LUZP2: variants seen among roughly 807,000 people sequenced by gnomAD.
LUZP2 encodes the protein leucine zipper protein 2.
LUZP2 carries 52 observed loss-of-function variants against 51.6 expected under a neutral mutation model. The observed-to-expected ratio is 1.01, with a 90% confidence interval of 0.81 to 1.27. The LOEUF (loss-of-function observed/expected upper bound fraction) is 1.27, where lower values mean the gene tolerates loss of function less well. LUZP2 is among the 50% of genes most tolerant of loss of function. The pLI is 0.00. For missense variants in LUZP2, 436 were observed against 395.4 expected (o/e 1.10, Z -0.87); for synonymous variants, 154 against 137.3 (o/e 1.12, Z -0.85).
chr11:24,760,114 T>C (rs972175086), intron 4 of LUZP2, among the ~76,000 whole-genome samples: 3 of 152,148 alleles, frequency 2.0e-5, no homozygotes, highest in Non-Finnish European at 2.9e-5. Context: ...TGATCGGCAA[T>C]TGGCAAAGAT....
intron 1 of LUZP2, among the ~76,000 whole-genome samples, chr11:24,555,280 A>T (rs1022809468): frequency 6.6e-6 from 1 of 152,172 alleles, no homozygotes; most frequent in African/African-American, 2.4e-5. Flanking sequence ...AATAGTAAAG[A>T]TACATAACTC....
In LUZP2 at chr11:24,529,498, A is replaced by T. The variant is rs766080805; in HGVS notation, c.62+32193A>T. 2.0e-5 allele frequency among the ~76,000 whole-genome samples: 3 copies of T among 150,828 alleles called. No individual in the cohort carries two copies. The East Asian group carries it at 5.8e-4, about 29-fold the overall frequency. On this transcript the variant is annotated intron_variant, in intron 1 of 11. Transcript: ENST00000336930. Reference sequence around the variant, plus strand: ...TGAGAAGGAATCACATTAGAGTATAAATACAAATATTTAGCATTCATCATT... The same window carrying T: ...TGAGAAGGAATCACATTAGAGTATATATACAAATATTTAGCATTCATCATT...
intron 5 of LUZP2, among the ~76,000 whole-genome samples, chr11:24,849,217 G>T (rs546152710): frequency 3.4e-4 from 51 of 152,126 alleles, no homozygotes; most frequent in African/African-American, 1.1e-3. Context: ...TACCATGGTG[G>T]TTTGCTGCAC....
intron 7 of LUZP2, among the ~76,000 whole-genome samples, chr11:24,915,839 T>C (rs1853773552): frequency 6.6e-6 from 1 of 151,996 alleles, no homozygotes; most frequent in South Asian, 2.1e-4. Context: ...ACCAACCTAA[T>C]AGCACAAAAG....
chr11:24,604,055 A>G (rs1853830901), intron 1 of LUZP2, among the ~76,000 whole-genome samples: 1 of 151,828 alleles, frequency 6.6e-6, no homozygotes, highest in African/African-American at 2.4e-5. Context: ...TGTAATTTAC[A>G]ATGCAATAAT....
intron 1 of LUZP2, among the ~76,000 whole-genome samples, chr11:24,686,052 A>G (rs1856888639): frequency 6.6e-6 from 1 of 152,140 alleles, no homozygotes; most frequent in African/African-American, 2.4e-5. Flanking sequence ...AAATCATTTC[A>G]CTCTTCTTTC....
At chr11:25,014,040 A>G (rs1857063301) in intron 9 of LUZP2, among the ~76,000 whole-genome samples, 1 of 151,942 alleles carries the variant, frequency 6.6e-6, no homozygotes, top group African/African-American at 2.4e-5. Context: ...GAGAATGATG[A>G]TTTCCAGCTT....
At chr11:25,029,899 C>T (rs1194755805) in intron 9 of LUZP2, among the ~76,000 whole-genome samples, 1 of 150,468 alleles carries the variant, frequency 6.6e-6, no homozygotes, top group Non-Finnish European at 1.5e-5. Flanking sequence ...AAACAATTGC[C>T]ATGTCAATAG....
At chr11:24,542,900 A>C (rs1851418547) in intron 1 of LUZP2, among the ~76,000 whole-genome samples, 2 of 151,552 alleles carry the variant, frequency 1.3e-5, no homozygotes, top group African/African-American at 4.9e-5. Context: ...AATAATGAAC[A>C]AAAAGAACAG....
chr11:24,614,810 CATT>C (rs1854235252), intron 1 of LUZP2, among the ~76,000 whole-genome samples: 1 of 151,986 alleles, frequency 6.6e-6, no homozygotes, highest in Non-Finnish European at 1.5e-5. Flanking sequence ...CCTTTGTACA[CATT>C]ATTATTTAAA....
chr11:24,695,213 A>C (rs975285424), intron 1 of LUZP2, among the ~76,000 whole-genome samples: 1 of 152,140 alleles, frequency 6.6e-6, no homozygotes, highest in Non-Finnish European at 1.5e-5. Context: ...AATATTATGC[A>C]AGATTTAAAT....
At chr11:24,959,254 A>G (rs939997874) in intron 7 of LUZP2, among the ~76,000 whole-genome samples, 8 of 152,046 alleles carry the variant, frequency 5.3e-5, no homozygotes, top group African/African-American at 1.9e-4. Context: ...TTTTAGTTCC[A>G]TATGAACTTT....
intron 10 of LUZP2, among the ~76,000 whole-genome samples, chr11:25,074,551 A>G (rs116657304): frequency 0.012 from 1,828 of 152,282 alleles, 43 homozygotes; most frequent in African/African-American, 0.042. Flanking sequence ...TTAATGAAAT[A>G]TATTGCATAG....
chr11:24,694,965 T>C (rs748016355), intron 1 of LUZP2, among the ~76,000 whole-genome samples: 9 of 151,382 alleles, frequency 5.9e-5, no homozygotes, highest in Non-Finnish European at 1.3e-4. Context: ...TTAGGACAAA[T>C]ACCTAATGCA....
intron 1 of LUZP2, among the ~76,000 whole-genome samples, chr11:24,541,749 T>A (rs1590158727): frequency 6.6e-6 from 1 of 152,244 alleles, no homozygotes; most frequent in Middle Eastern, 3.4e-3. Flanking sequence ...TAATCTCAGA[T>A]GTCAAGTGAT....
rs186600323 is a variant in LUZP2 at position 24,588,322 on chromosome 11, C to T, written c.62+91017C>T. On this transcript the variant is annotated intron_variant, in intron 1 of 11. Transcript: ENST00000336930. ...CTGCTTGTCAGTGAATTATAAATCT[C>T]GCCATGGGCAATGACAGTTTCTCTG... Among the ~76,000 whole-genome samples, 7 of 152,170 alleles carry T rather than the reference C, an allele frequency of 4.6e-5. No homozygotes were observed. In the East Asian group the frequency reaches 5.8e-4, roughly 13 times the overall value.
chr11:24,665,498 C>A (rs545876955), intron 1 of LUZP2, among the ~76,000 whole-genome samples: 1 of 152,058 alleles, frequency 6.6e-6, no homozygotes, highest in Non-Finnish European at 1.5e-5. Flanking sequence ...GGGTCAGGGG[C>A]AGAATAATAT....
chr11:24,983,362 T>C (rs935848291), intron 9 of LUZP2, 69 bp downstream of exon 9: 1 of 1,446,706 alleles, frequency 6.9e-7, no homozygotes, highest in African/African-American at 1.4e-5. Context: ...GCCCAGTATA[T>C]ATAATCACCA....
At position 24,706,534 on chromosome 11, in the gene LUZP2, G is replaced by T. The variant is rs140457775; in HGVS notation, c.63-22635G>T. 8.9e-4 allele frequency among the ~76,000 whole-genome samples: 136 copies of T among 152,148 alleles called. 1 individual carries two copies. Among genetic ancestry groups the T allele is most frequent in the Non-Finnish European group, 1.5e-3 (103 of 68,006 alleles). On this transcript the variant is annotated intron_variant, in intron 1 of 11. Transcript: ENST00000336930. ...CTTGTTTCCATTCTCTTCCTGTGCG[G>T]CCTTCTCTCAGTTGTCTAATATCTC...
Sources: allele counts gnomAD v4.1 joint callset (sites outside exome capture counted in the v4.1 genomes callset), GRCh38; gene constraint gnomAD v4.1.1; transcripts MANE v1.5; gene names NCBI Gene and HGNC (gene_info 2026-07-23, HGNC 2026-07-21).